AKAP6: variants seen among roughly 807,000 people sequenced by gnomAD.
AKAP6 encodes A-kinase anchor protein 6.
A neutral mutation model predicts 188.5 loss-of-function variants in AKAP6; 58 were observed. That is an observed-to-expected ratio of 0.31 (90% CI 0.25 to 0.38). The LOEUF is 0.38. Ranked by LOEUF, AKAP6 falls within the 10% of genes least tolerant of loss-of-function variation. The pLI is 1.00. For missense variants in AKAP6, 2,710 were observed against 2,740.0 expected (o/e 0.99, Z 0.24); for synonymous variants, 989 against 998.6 (o/e 0.99, Z 0.18).
chr14:32,809,883 G>A (rs1282982800), intron 12 of AKAP6, among the ~76,000 whole-genome samples: 1 of 152,106 alleles, frequency 6.6e-6, no homozygotes, highest in Non-Finnish European at 1.5e-5. Flanking sequence ...AAATATTGTT[G>A]ATTTGGTAAA....
chr14:32,694,952 TAGG>T (rs1228998588), intron 8 of AKAP6, among the ~76,000 whole-genome samples: 2 of 152,176 alleles, frequency 1.3e-5, no homozygotes, highest in African/African-American at 2.4e-5. Context: ...CACAAGACTG[TAGG>T]ATTTCTTTTA....
intron 12 of AKAP6, among the ~76,000 whole-genome samples, chr14:32,778,786 G>T (rs979641566): frequency 1.6e-4 from 24 of 148,694 alleles, no homozygotes; most frequent in African/African-American, 2.2e-4. Flanking sequence ...GCCTCAAGCA[G>T]TTCTCCCACC....
rs538650144 is a variant in AKAP6, at chr14:32,429,012, C to T, written c.-34-4448C>T. On this transcript the variant is annotated intron_variant, in intron 1 of 13. Transcript: ENST00000280979. ...GCAGCTGGGATAAAGGTGGTATTAT[C>T]GCTAATGCTGGAAAGGTGGCCGCAG... Among the ~76,000 whole-genome samples the T allele has an allele frequency of 2.4e-4, 37 of 152,254 alleles. 1 individual carries two copies. The South Asian group carries it at 6.2e-3, about 26-fold the overall frequency.
chr14:32,657,409 A>C (rs1888501411), intron 7 of AKAP6, among the ~76,000 whole-genome samples: 1 of 152,102 alleles, frequency 6.6e-6, no homozygotes, highest in Non-Finnish European at 1.5e-5. Context: ...GAGCCTACAA[A>C]TCTGTGAGTG....
chr14:32,379,616 G>A (rs1888278766), intron 1 of AKAP6, among the ~76,000 whole-genome samples: 1 of 151,930 alleles, frequency 6.6e-6, no homozygotes, highest in South Asian at 2.1e-4. Context: ...CCTCCTATGA[G>A]AGGGTGTCTC....
At chr14:32,404,272 T>G (rs2145589) in intron 1 of AKAP6, among the ~76,000 whole-genome samples, 144,332 of 152,146 alleles carry the variant, frequency 0.95, 68,801 homozygotes, top group East Asian at 1. Context: ...TTAGCCTTAA[T>G]ATTAACCCCT....
intron 12 of AKAP6, among the ~76,000 whole-genome samples, chr14:32,799,864 A>G (rs1258199356): frequency 6.6e-6 from 1 of 151,792 alleles, no homozygotes; most frequent in East Asian, 1.9e-4. Context: ...CTATGTACCT[A>G]TTGATTTTCT....
chr14:32,346,206 A>G (rs1450826802), intron 1 of AKAP6, among the ~76,000 whole-genome samples: 3 of 152,160 alleles, frequency 2.0e-5, no homozygotes, highest in South Asian at 2.1e-4. Context: ...GTGAGTGTGC[A>G]TACATGTGAA....
intron 9 of AKAP6, among the ~76,000 whole-genome samples, chr14:32,702,728 T>C (rs1036913270): frequency 6.6e-6 from 1 of 152,126 alleles, no homozygotes; most frequent in Non-Finnish European, 1.5e-5. Context: ...CTGCTCCCTC[T>C]CTCCCTGGCC....
chr14:32,362,228 C>T (rs773096304), intron 1 of AKAP6, among the ~76,000 whole-genome samples: 10 of 152,162 alleles, frequency 6.6e-5, no homozygotes, highest in Non-Finnish European at 1.5e-5. Flanking sequence ...CCACAACAAT[C>T]TTCAGCAGTG....
At chr14:32,476,367 T>C (rs141796134) in intron 2 of AKAP6, among the ~76,000 whole-genome samples, 13 of 152,214 alleles carry the variant, frequency 8.5e-5, no homozygotes, top group South Asian at 2.1e-4. Flanking sequence ...TGGGGAGAAA[T>C]GCATAGTGCC....
At chr14:32,491,607 A>G (rs1390879401) in intron 2 of AKAP6, among the ~76,000 whole-genome samples, 1 of 152,212 alleles carries the variant, frequency 6.6e-6, no homozygotes, top group Non-Finnish European at 1.5e-5. Flanking sequence ...CCAGCATATG[A>G]CTGGAGCACA....
chr14:32,698,950 C>A (rs1039867725), intron 9 of AKAP6, among the ~76,000 whole-genome samples: 2 of 151,992 alleles, frequency 1.3e-5, no homozygotes, highest in Admixed American at 6.6e-5. Flanking sequence ...CATTTAAAAC[C>A]TTTGTTCTTC....
chr14:32,445,234 G>A (rs1048756482), intron 2 of AKAP6, among the ~76,000 whole-genome samples: 1 of 152,048 alleles, frequency 6.6e-6, no homozygotes, highest in East Asian at 1.9e-4. Flanking sequence ...TTCTCTGTCT[G>A]GGAAATTACC....
At chr14:32,449,362 C>G (rs1414178168) in intron 2 of AKAP6, among the ~76,000 whole-genome samples, 1 of 151,420 alleles carries the variant, frequency 6.6e-6, no homozygotes, top group African/African-American at 2.4e-5. Flanking sequence ...ACAAAACAAA[C>G]AAACAAAAAA....
intron 1 of AKAP6, among the ~76,000 whole-genome samples, chr14:32,408,149 A>G (rs1444120469): frequency 3.3e-5 from 5 of 152,156 alleles, no homozygotes; most frequent in Non-Finnish European, 4.4e-5. Flanking sequence ...TTGCCACACC[A>G]TGGCTAGCAG....
chr14:32,497,135 A>G (rs17099177), intron 2 of AKAP6, among the ~76,000 whole-genome samples: 8,667 of 152,182 alleles, frequency 0.057, 795 homozygotes, highest in African/African-American at 0.2. Context: ...ATAGCTTGCC[A>G]GTAATCGAAT....
In AKAP6 at chr14:32,822,217, T is replaced by C. The variant is rs1345679943; in HGVS notation, c.4404T>C (p.Tyr1468=). ...GAAAACATGATGTGTTTACATTTTA[T>C]GATTACTCATACCTCCAAGGCTCAA... ...LQGKHDVFTF[Y]DYSYLQGSKL... Residue 1468 remains tyrosine (Y), a synonymous_variant, in exon 13 of 14, where the codon TAT becomes TAC. Coordinates refer to ENST00000280979, the MANE Select transcript of AKAP6 (RefSeq NM_004274.5). 6.2e-7 allele frequency: 1 copy of C among 1,613,960 alleles called. No homozygotes were observed. Among genetic ancestry groups the C allele is most frequent in the South Asian group, 1.1e-5 (1 of 91,084 alleles).
At chr14:32,543,531 T>A (rs748121606) in intron 3 of AKAP6, among the ~76,000 whole-genome samples, 3 of 152,244 alleles carry the variant, frequency 2.0e-5, no homozygotes. Context: ...CTCTTTGACA[T>A]GCTGATTTCC....
Sources: allele counts gnomAD v4.1 joint callset (sites outside exome capture counted in the v4.1 genomes callset), GRCh38; gene constraint gnomAD v4.1.1; transcripts MANE v1.5; gene names NCBI Gene and HGNC (gene_info 2026-07-23, HGNC 2026-07-21).